MYLK: variants seen among roughly 807,000 people sequenced by gnomAD.
MYLK encodes myosin light chain kinase, smooth muscle.
Under a neutral mutation model 203.4 loss-of-function variants are expected in MYLK, and 106 were observed. The ratio of observed to expected loss-of-function variants is 0.52; its 90% CI spans 0.45 to 0.61. The LOEUF (loss-of-function observed/expected upper bound fraction) is 0.61. Among genes scored for constraint, MYLK ranks in the 20% least tolerant of loss-of-function variants. MYLK has a pLI of 0.00. For missense variants in MYLK, 2,072 were observed against 2,442.3 expected (o/e 0.85, Z 3.20); for synonymous variants, 867 against 959.5 (o/e 0.90, Z 1.78).
At chr3:123,768,726 T>C (rs905377079) in intron 4 of MYLK, among the ~76,000 whole-genome samples, 5 of 152,270 alleles carry the variant, frequency 3.3e-5, no homozygotes, top group Non-Finnish European at 7.3e-5. Flanking sequence ...ATCATAGTTC[T>C]ATTTCTATTT....
chr3:123,625,594 G>A (rs933431775), intron 31 of MYLK, among the ~76,000 whole-genome samples: 1 of 152,096 alleles, frequency 6.6e-6, no homozygotes, highest in Admixed American at 6.6e-5. Context: ...GGATCACGAG[G>A]TCAGGAGATT....
intron 12 of MYLK, among the ~76,000 whole-genome samples, chr3:123,725,405 CA>C (rs941438606): frequency 6.6e-6 from 1 of 151,368 alleles, no homozygotes. Flanking sequence ...CCTTACTTGA[CA>C]AAAAAAAGAG....
rs1480634996 is a variant in MYLK, at chr3:123,657,177, T to C, written c.4237A>G (p.Ser1413Gly). ...AGTTCAGACTCCTGGCTTGGCTCAC[T>C]GGTTCCATACACGTTGATTGCACGT... ...RVRAINVYGT[S>G]EPSQESELTT... Residue 1413 changes from serine to glycine, a missense_variant, in exon 24 of 34, where the codon AGT becomes GGT. Ser to Gly is a moderately conservative substitution (Grantham distance 56). Coordinates refer to ENST00000360304, the MANE Select transcript of MYLK (RefSeq NM_053025.4). 6.2e-7 allele frequency: 1 copy of C among 1,614,230 alleles called. No individual in the cohort carries two copies. The highest frequency in any genetic ancestry group is 2.2e-5 in the East Asian group (1 of 44,892).
At chr3:123,762,200 C>T (rs1319757662) in intron 4 of MYLK, among the ~76,000 whole-genome samples, 1 of 151,984 alleles carries the variant, frequency 6.6e-6, no homozygotes, top group Non-Finnish European at 1.5e-5. Context: ...TCCATTATTC[C>T]TAAACAATAG....
At chr3:123,647,884 C>T (rs776422335) in intron 26 of MYLK, among the ~76,000 whole-genome samples, 12 of 152,142 alleles carry the variant, frequency 7.9e-5, no homozygotes, top group Non-Finnish European at 1.2e-4. Context: ...GACAAGCCTA[C>T]TGTCAACTTT....
intron 4 of MYLK, among the ~76,000 whole-genome samples, chr3:123,772,919 T>C (rs994460516): frequency 2.0e-5 from 3 of 151,986 alleles, no homozygotes; most frequent in African/African-American, 7.2e-5. Flanking sequence ...TCATTTTTCT[T>C]TCCTATAAAA....
chr3:123,824,036 T>C (rs1389164864), intron 3 of MYLK, among the ~76,000 whole-genome samples: 1 of 152,038 alleles, frequency 6.6e-6, no homozygotes, highest in Admixed American at 6.6e-5. Flanking sequence ...CTATATAAAA[T>C]ACCCCTCTAC....
chr3:123,684,796 A>G (rs1332638806), intron 19 of MYLK, among the ~76,000 whole-genome samples: 5 of 152,194 alleles, frequency 3.3e-5, no homozygotes, highest in African/African-American at 1.2e-4. Flanking sequence ...TCAGCCTCCC[A>G]AAGTACTGGG....
chr3:123,716,624 C>T (rs2061904146), intron 13 of MYLK, among the ~76,000 whole-genome samples: 1 of 152,194 alleles, frequency 6.6e-6, no homozygotes, highest in Non-Finnish European at 1.5e-5. Context: ...AAAGGTATGG[C>T]ATCCAAACCA....
rs148836147 is a variant in MYLK, at chr3:123,737,573, T to A, written c.589-30A>T. On this transcript the variant is annotated intron_variant, in intron 7 of 33. Coordinates refer to ENST00000360304, the MANE Select transcript of MYLK (RefSeq NM_053025.4). ...GGATGGCAATGGGGTAACTTGGTCA[T>A]ACAAATCTGCTCACCTTCTGGCTGT... 1.7e-3 allele frequency: 2,701 copies of A among 1,613,668 alleles called. 13 individuals are homozygous for A. Among genetic ancestry groups the A allele is most frequent in the Middle Eastern group, 7.8e-3 (47 of 6,062 alleles).
chr3:123,837,316 C>T (rs976906952), intron 2 of MYLK, among the ~76,000 whole-genome samples: 4 of 152,172 alleles, frequency 2.6e-5, no homozygotes, highest in African/African-American at 9.6e-5. Flanking sequence ...CAGGTATGAG[C>T]CACTGTGCCC....
At chr3:123,651,843 C>T (rs1005381457) in intron 24 of MYLK, among the ~76,000 whole-genome samples, 1 of 152,238 alleles carries the variant, frequency 6.6e-6, no homozygotes, top group Non-Finnish European at 1.5e-5. Flanking sequence ...TGTGGCAGAT[C>T]TGATTCTCAT....
intron 1 of MYLK, among the ~76,000 whole-genome samples, chr3:123,880,374 T>C (rs1349059953): frequency 2.6e-5 from 4 of 152,170 alleles, no homozygotes; most frequent in South Asian, 2.1e-4. Context: ...AAGCCCCAAG[T>C]TGCAGGTGTT....
In MYLK at chr3:123,879,259, G is replaced by A. The variant is rs1048955504; in HGVS notation, c.-185-2642C>T. On this transcript the variant is annotated intron_variant, in intron 1 of 33. Transcript: ENST00000360304. ...TCAGAAATATTATTGGCAGCAGAGG[G>A]AAAACAAGGCCAGAATGAAAACCAC... Among the ~76,000 whole-genome samples the A allele has an allele frequency of 3.3e-5, 5 of 152,262 alleles. No individual in the cohort carries two copies. In the East Asian group the frequency reaches 9.7e-4, roughly 29 times the overall value.
chr3:123,657,766 G>A (rs115037017), intron 23 of MYLK, among the ~76,000 whole-genome samples: 5,547 of 152,302 alleles, frequency 0.036, 109 homozygotes, highest in South Asian at 0.072. Flanking sequence ...CCCAGAAGGC[G>A]TGGACTATTT....
At chr3:123,683,506 T>C (rs1339122720) in intron 19 of MYLK, among the ~76,000 whole-genome samples, 2 of 152,180 alleles carry the variant, frequency 1.3e-5, no homozygotes, top group Non-Finnish European at 2.9e-5. Context: ...GAGCTGCCTC[T>C]GGATGCATTT....
intron 3 of MYLK, among the ~76,000 whole-genome samples, chr3:123,829,186 C>T (rs922673405): frequency 7.2e-5 from 11 of 151,966 alleles, no homozygotes; most frequent in African/African-American, 2.2e-4. Context: ...GAAATGGGAT[C>T]AATGTAGGTA....
chr3:123,701,557 A>AG (rs766285697), intron 16 of MYLK, 48 bp from the exon 17 acceptor site: 2 of 1,591,426 alleles, frequency 1.3e-6, no homozygotes, highest in African/African-American at 2.7e-5. Flanking sequence ...CTCTGGGCAA[A>AG]GGGCCTGTTC....
chr3:123,855,240 G>T (rs931010120), intron 2 of MYLK, among the ~76,000 whole-genome samples: 2 of 151,992 alleles, frequency 1.3e-5, no homozygotes, highest in South Asian at 4.1e-4. Flanking sequence ...GTTGAAGCCT[G>T]TCATTTACCT....
Sources: allele counts gnomAD v4.1 joint callset (sites outside exome capture counted in the v4.1 genomes callset), GRCh38; gene constraint gnomAD v4.1.1; transcripts MANE v1.5; gene names NCBI Gene and HGNC (gene_info 2026-07-23, HGNC 2026-07-21).